Variants in PACSIN1 observed in about 807,000 individuals in gnomAD.
The protein encoded by PACSIN1 is protein kinase C and casein kinase substrate in neurons 1.
In PACSIN1, 15 loss-of-function variants were observed where a neutral mutation model predicts 59.5. The observed-to-expected ratio is 0.25, with a 90% CI of 0.17 to 0.39. The LOEUF (loss-of-function observed/expected upper bound fraction) is 0.39. Among genes scored for constraint, PACSIN1 ranks in the 10% least tolerant of loss-of-function variants. The pLI is 1.00. For missense variants in PACSIN1, 420 were observed against 580.2 expected (o/e 0.72, Z 2.84); for synonymous variants, 210 against 220.6 (o/e 0.95, Z 0.42).
intron 1 of PACSIN1, among the ~76,000 whole-genome samples, chr6:34,483,154 G>A (rs1766745439): frequency 1.3e-5 from 2 of 151,988 alleles, no homozygotes; most frequent in South Asian, 2.1e-4. Context: ...ACAGGCGTGA[G>A]CAACCACGCC....
At position 34,528,697 on chromosome 6, in the gene PACSIN1, C is replaced by T; in HGVS notation, c.276C>T (p.Asp92=). Reference sequence around the variant, plus strand: ...GGGGTGCCATAATGACAGAGGCAGACAAGGTGAGCGAGCTGCACCAGGAGG... The same window carrying T: ...GGGGTGCCATAATGACAGAGGCAGATAAGGTGAGCGAGCTGCACCAGGAGG... ...RAWGAIMTEA[D]KVSELHQEVK... The change falls in exon 4 of 10, where the codon GAC becomes GAT. Residue 92 remains aspartate, a synonymous_variant. Transcript: ENST00000244458. The T allele has an allele frequency of 1.2e-6, 2 of 1,614,018 alleles. No individual in the cohort carries two copies. Among genetic ancestry groups the T allele is most frequent in the East Asian group, 4.5e-5 (2 of 44,856 alleles).
chr6:34,528,915 G>GGCCGGGGGGGGGGGGGGGGGGC, intron 4 of PACSIN1, 38 bp downstream of exon 4: 1 of 653,170 alleles, frequency 1.5e-6, no homozygotes, highest in Non-Finnish European at 2.7e-6. Context: ...GGTGGGGTGG[G>GGCCGGGGGGGGGGGGGGGGGGC]CCCGTCTGAT....
chr6:34,515,186 G>A lies in PACSIN1; in HGVS notation c.-63-11057G>A, dbSNP rs2127266196. On this transcript the variant is annotated intron_variant, in intron 1 of 9. Transcript: ENST00000244458. This position sits in a 1 kb window ranked among gnomAD's most constrained non-coding sequence, Gnocchi z 4.4. ...AGGCCAGCTGGAGGGGCCGGGCCAG[G>A]GACCAGGCTGGGGAGCGGGGTGTGG... is the stretch of plus-strand genomic sequence containing the variant. 1 of 152,832 alleles carries A rather than the reference G, an allele frequency of 6.5e-6. No homozygotes were observed. Among genetic ancestry groups the A allele is most frequent in the African/African-American group, 2.4e-5 (1 of 41,590 alleles). The allele number at this position is 152,832 out of a possible 1,614,324, so 9.5% of individuals were successfully genotyped here.
chr6:34,528,605 G>A (rs372896925), intron 3 of PACSIN1, 37 bp from the exon 4 acceptor site: 4 of 1,497,102 alleles, frequency 2.7e-6, no homozygotes, highest in Non-Finnish European at 3.7e-6. Flanking sequence ...CTGGGCAGGG[G>A]CAATGAGGTT....
Position 34,505,519 on chromosome 6 carries a change from TTTTC to T in PACSIN1, c.-63-20716_-63-20713del, listed in dbSNP as rs200244116. Among the ~76,000 whole-genome samples, 918 of 150,676 alleles carry T rather than the reference TTTTC, an allele frequency of 6.1e-3. 8 individuals carry two copies. The highest frequency in any genetic ancestry group is 0.021 in the African/African-American group (846 of 40,904). On this transcript the variant is annotated intron_variant, in intron 1 of 9. Transcript: ENST00000244458. ...TCCACAGGTTCCTGAGGTTCTGTCCTTTTCTTTCTTTTTTTTTTTTTCAAGCCAT... is the reference window on the plus strand; with the variant it reads ...TCCACAGGTTCCTGAGGTTCTGTCCTTTTCTTTTTTTTTTTTTCAAGCCAT...
chr6:34,474,790 GAAAAAAAAA>G (rs60232588), intron 1 of PACSIN1, among the ~76,000 whole-genome samples: 1 of 78,332 alleles, frequency 1.3e-5, no homozygotes, highest in African/African-American at 5.6e-5. Flanking sequence ...CTCTGTCTCA[GAAAAAAAAA>G]AAAAAAAAAA....
Position 34,530,177 on chromosome 6 carries a change from C to T in PACSIN1, c.789-66C>T, listed in dbSNP as rs1445320636. The T allele has an allele frequency of 4.5e-6, 7 of 1,539,160 alleles. No individual in the cohort carries two copies. The highest frequency in any genetic ancestry group is 6.1e-6 in the Non-Finnish European group (7 of 1,138,216). Reference sequence around the variant, plus strand: ...CTTCCCTGAGTGGACTCTGGCCTCTCACCAAGGTTGAGGAGGGGCCATGTT... The same window carrying T: ...CTTCCCTGAGTGGACTCTGGCCTCTTACCAAGGTTGAGGAGGGGCCATGTT... On this transcript the variant is annotated intron_variant, in intron 6 of 9. Transcript: ENST00000244458. The surrounding 1 kb of genome is among the most constrained non-coding windows in gnomAD (Gnocchi z 4.4).
At position 34,521,829 on chromosome 6, in the gene PACSIN1, T is replaced by A. The variant is rs1452168261; in HGVS notation, c.-63-4414T>A. ...CCGTTTAATCCTTGCAACAGCCCATTTTACAGATGCGGACGCCGAGGCCTG... is the reference window on the plus strand; with the variant it reads ...CCGTTTAATCCTTGCAACAGCCCATATTACAGATGCGGACGCCGAGGCCTG... On this transcript the variant is annotated intron_variant, in intron 1 of 9. Transcript: ENST00000244458. This position sits in a 1 kb window ranked among gnomAD's most constrained non-coding sequence, Gnocchi z 4.3. Among the ~76,000 whole-genome samples, 1 of 152,036 alleles carries A rather than the reference T, an allele frequency of 6.6e-6. No individual in the cohort carries two copies.
chr6:34,471,680 G>A (rs535754721), intron 1 of PACSIN1, among the ~76,000 whole-genome samples: 3 of 152,302 alleles, frequency 2.0e-5, no homozygotes, highest in Non-Finnish European at 2.9e-5. Flanking sequence ...GGGAGCATAC[G>A]TTAGCACTGT....
chr6:34,475,023 C>G (rs1766619467), intron 1 of PACSIN1, among the ~76,000 whole-genome samples: 1 of 152,138 alleles, frequency 6.6e-6, no homozygotes, highest in Non-Finnish European at 1.5e-5. Flanking sequence ...ACCCACATCA[C>G]CCCCTCAGAG....
chr6:34,473,315 G>A (rs1453768034), intron 1 of PACSIN1, among the ~76,000 whole-genome samples: 2 of 152,122 alleles, frequency 1.3e-5, no homozygotes, highest in Admixed American at 6.5e-5. Flanking sequence ...GGGCTGGGGA[G>A]GAAATCAGCA....
intron 4 of PACSIN1, 37 bp downstream of exon 4, chr6:34,528,914 G>A: frequency 1.5e-6 from 2 of 1,330,828 alleles, no homozygotes; most frequent in Non-Finnish European, 1.1e-6. Context: ...GGGTGGGGTG[G>A]GCCCGTCTGA....
At chr6:34,519,178 G>A (rs1307823320) in intron 1 of PACSIN1, among the ~76,000 whole-genome samples, 1 of 152,140 alleles carries the variant, frequency 6.6e-6, no homozygotes, top group East Asian at 1.9e-4. Flanking sequence ...GTTCTCACAG[G>A]TGGGCCACCA....
Position 34,528,715 on chromosome 6 carries a change from C to G in PACSIN1, c.294C>G (p.His98Gln). The part of the protein sequence containing the change: ...MTEADKVSEL[H>Q]QEVKNNLLNE... ...AGGCAGACAAGGTGAGCGAGCTGCA[C>G]CAGGAGGTGAAGAACAATCTGCTGA... Residue 98 changes from histidine to glutamine, a missense_variant, in exon 4 of 10, where the codon CAC becomes CAG. Transcript: ENST00000244458. 6.2e-7 allele frequency: 1 copy of G among 1,613,956 alleles called. No individual in the cohort carries two copies. Among genetic ancestry groups the G allele is most frequent in the Non-Finnish European group, 8.5e-7 (1 of 1,180,000 alleles).
In PACSIN1 at chr6:34,532,551, C is replaced by A. The variant is rs750721747; in HGVS notation, c.*21C>A. The A allele has an allele frequency of 8.7e-6, 12 of 1,382,084 alleles. 1 individual carries two copies. The South Asian group carries it at 1.1e-4, about 13-fold the overall frequency. The allele number at this position is 1,382,084 out of a possible 1,614,324, so 85.6% of individuals were successfully genotyped here. A position where few individuals can be genotyped will look rare whatever the true frequency, so the allele number is the denominator to read the frequency against. On this transcript the variant is annotated 3_prime_UTR_variant, in exon 10 of 10. Transcript: ENST00000244458. The surrounding 1 kb of genome is among the most constrained non-coding windows in gnomAD (Gnocchi z 5.2). ...TCTAGAGGCCCCCTCCCTCCATACT[C>A]CCGTCACTCCTCCCCACTGCCGCCC...
chr6:34,484,041 C>A (rs1476452977), intron 1 of PACSIN1, among the ~76,000 whole-genome samples: 3 of 152,090 alleles, frequency 2.0e-5, no homozygotes, highest in African/African-American at 7.2e-5. Flanking sequence ...GGAGGTGGCA[C>A]CTGGACAGAT....
chr6:34,526,696 G>GC (rs1399741131), intron 2 of PACSIN1, among the ~76,000 whole-genome samples: 2 of 152,132 alleles, frequency 1.3e-5, no homozygotes, highest in African/African-American at 4.8e-5. Context: ...TCCCTCGCTC[G>GC]CCCCCCATCC....
chr6:34,530,177 C>A lies in PACSIN1; in HGVS notation c.789-66C>A. On this transcript the variant is annotated intron_variant, in intron 6 of 9. Coordinates refer to ENST00000244458, the MANE Select transcript of PACSIN1 (RefSeq NM_020804.5). The surrounding 1 kb of genome is among the most constrained non-coding windows in gnomAD (Gnocchi z 4.4). ...CTTCCCTGAGTGGACTCTGGCCTCT[C>A]ACCAAGGTTGAGGAGGGGCCATGTT... 1.3e-6 allele frequency: 2 copies of A among 1,539,278 alleles called. No homozygotes were observed. The highest frequency in any genetic ancestry group is 2.5e-5 in the South Asian group (2 of 79,100).
chr6:34,466,658 A>G (rs148712983), intron 1 of PACSIN1, among the ~76,000 whole-genome samples: 1,542 of 152,282 alleles, frequency 0.01, 18 homozygotes, highest in South Asian at 0.015. Flanking sequence ...TAGGCTATTT[A>G]TGGATCAGAG....
Sources: allele counts gnomAD v4.1 joint callset (sites outside exome capture counted in the v4.1 genomes callset), GRCh38; gene constraint gnomAD v4.1.1; non-coding constraint Gnocchi (gnomAD v3.1); transcripts MANE v1.5; gene names NCBI Gene and HGNC (gene_info 2026-07-23, HGNC 2026-07-21).